PCDHA6: variants seen among roughly 807,000 people sequenced by gnomAD.
PCDHA6 encodes protocadherin alpha 6.
Under a neutral mutation model 60.3 loss-of-function variants are expected in PCDHA6, and 55 were observed. The ratio of observed to expected loss-of-function variants is 0.91; its 90% confidence interval spans 0.73 to 1.14. The LOEUF (loss-of-function observed/expected upper bound fraction) is 1.14. Ranked by LOEUF, PCDHA6 falls within the 50% of genes most tolerant of loss-of-function variation. PCDHA6 has a pLI of 0.00. For missense variants in PCDHA6, 1,327 were observed against 1,256.5 expected (o/e 1.06, Z -0.85); for synonymous variants, 652 against 557.9 (o/e 1.17, Z -2.38).
intron 1 of PCDHA6, chr5:140,849,391 G>A: frequency 1.3e-6 from 2 of 1,539,768 alleles, no homozygotes; most frequent in South Asian, 1.1e-5. Flanking sequence ...GACCCCTTAA[G>A]TGGGGCAATC....
chr5:140,843,669 T>C (rs1554140329), intron 1 of PCDHA6: 2 of 1,592,688 alleles, frequency 1.3e-6, no homozygotes, highest in Non-Finnish European at 1.7e-6. Flanking sequence ...CTGGGATCAG[T>C]TGATGTAGGC....
intron 1 of PCDHA6, among the ~76,000 whole-genome samples, chr5:140,898,648 G>A (rs1436511217): frequency 6.6e-6 from 1 of 152,136 alleles, no homozygotes; most frequent in Non-Finnish European, 1.5e-5. Flanking sequence ...TGTTCTTTTG[G>A]CTTAGGATTG....
chr5:140,962,554 C>T lies in PCDHA6; in HGVS notation c.2395-16395C>T, dbSNP rs567554880. ...TTAGAACTAAAAATGTAGAGGATCTCCCCCTAAAAGCCAATTGTTAATGCC... is the reference window on the plus strand; with the variant it reads ...TTAGAACTAAAAATGTAGAGGATCTTCCCCTAAAAGCCAATTGTTAATGCC... On this transcript the variant is annotated intron_variant, in intron 1 of 3. Transcript: ENST00000529310. 3.9e-5 allele frequency among the ~76,000 whole-genome samples: 6 copies of T among 152,284 alleles called. No individual in the cohort carries two copies. The South Asian group carries it at 1.2e-3, about 32-fold the overall frequency.
Position 140,966,485 on chromosome 5 carries a change from C to G in PCDHA6, c.2395-12464C>G, listed in dbSNP as rs564574047. 5.5e-4 allele frequency: 237 copies of G among 432,246 alleles called. 1 individual carries two copies. The highest frequency in any genetic ancestry group is 4.6e-3 in the African/African-American group (223 of 48,858). 26.8% of individuals were successfully genotyped at this position (432,246 alleles called of 1,614,324 possible). A position where few individuals can be genotyped will look rare whatever the true frequency, so the allele number is the denominator to read the frequency against. Reference sequence around the variant, plus strand: ...TCTTCCCTTCTGTTTCCTTTTCCCTCCCCCTGGAGCTGTAGCGGCAGCAGC... The same window carrying G: ...TCTTCCCTTCTGTTTCCTTTTCCCTGCCCCTGGAGCTGTAGCGGCAGCAGC... On this transcript the variant is annotated intron_variant, in intron 1 of 3. Transcript: ENST00000529310.
chr5:140,838,352 G>A (rs908927118), intron 1 of PCDHA6, among the ~76,000 whole-genome samples: 1 of 150,310 alleles, frequency 6.7e-6, no homozygotes, highest in African/African-American at 2.5e-5. Flanking sequence ...TCGAAATCTG[G>A]GACTCAAGTG....
At chr5:140,850,167 G>C (rs2041389844) in intron 1 of PCDHA6, 2 of 1,594,718 alleles carry the variant, frequency 1.3e-6, no homozygotes, top group African/African-American at 1.3e-5. Flanking sequence ...CGTGCTGGAC[G>C]AGAACGACAA....
In PCDHA6 at chr5:140,953,296, G is replaced by A. The variant is rs118116883; in HGVS notation, c.2395-25653G>A. 7.9e-5 allele frequency among the ~76,000 whole-genome samples: 12 copies of A among 152,162 alleles called. No individual in the cohort carries two copies. The East Asian group carries it at 1.5e-3, about 20-fold the overall frequency. Reference sequence around the variant, plus strand: ...TGCTCTTTATATGTGATTCAGGGACGGCAGAGATGTGGGAAGAATTTGATC... The same window carrying A: ...TGCTCTTTATATGTGATTCAGGGACAGCAGAGATGTGGGAAGAATTTGATC... On this transcript the variant is annotated intron_variant, in intron 1 of 3. Coordinates refer to ENST00000529310, the MANE Select transcript of PCDHA6 (RefSeq NM_018909.4).
At chr5:140,853,601 AG>A in intron 1 of PCDHA6, 1 of 987,492 alleles carries the variant, frequency 1.0e-6, no homozygotes, top group Non-Finnish European at 1.2e-6. Context: ...TTGAGAGCAA[AG>A]GGGGTGCTGT....
chr5:140,841,394 A>G (rs2150314638), intron 1 of PCDHA6: 1 of 1,613,274 alleles, frequency 6.2e-7, no homozygotes, highest in East Asian at 2.2e-5. Context: ...CGCAGCCTGG[A>G]AGGTGGGGAG....
intron 1 of PCDHA6, chr5:140,870,757 GT>G: frequency 6.2e-7 from 1 of 1,613,572 alleles, no homozygotes; most frequent in Non-Finnish European, 8.5e-7. Context: ...GACGCTGCAG[GT>G]GTTCGTGCTG....
At chr5:140,878,389 T>A (rs528504145) in intron 1 of PCDHA6, among the ~76,000 whole-genome samples, 1 of 152,360 alleles carries the variant, frequency 6.6e-6, no homozygotes, top group East Asian at 1.9e-4. Flanking sequence ...ATTTTCTTCA[T>A]TGCTCACAAA....
chr5:140,999,537 C>G, intron 3 of PCDHA6, among the ~76,000 whole-genome samples: 1 of 152,266 alleles, frequency 6.6e-6, no homozygotes, highest in Non-Finnish European at 1.5e-5. Context: ...CTGGATATGA[C>G]AGCCAATGAA....
Position 140,854,000 on chromosome 5 carries a change from C to T in PCDHA6, c.2394+23515C>T, listed in dbSNP as rs1437337577. 5 of 352,352 alleles carry T rather than the reference C, an allele frequency of 1.4e-5. No homozygotes were observed. The East Asian group carries it at 8.5e-4, about 60-fold the overall frequency. 21.8% of individuals were successfully genotyped at this position (352,352 alleles called of 1,614,324 possible). ...CCAATGTAGTGAGACTCATCTCTGC[C>T]AAAAAAAAAAAATTAGCCGGGCATG... On this transcript the variant is annotated intron_variant, in intron 1 of 3. Coordinates refer to ENST00000529310, the MANE Select transcript of PCDHA6 (RefSeq NM_018909.4).
Position 140,993,501 on chromosome 5 carries a change from C to CAT in PCDHA6, c.2542+10939_2542+10940insTA, listed in dbSNP as rs1159844142. Among the ~76,000 whole-genome samples the CAT allele has an allele frequency of 9.9e-4, 148 of 149,100 alleles. 5 individuals carry two copies. In the East Asian group the frequency reaches 0.024, roughly 24 times the overall value. On this transcript the variant is annotated intron_variant, in intron 3 of 3. Transcript: ENST00000529310. ...ACACACACACACACACACACACACA[C>CAT]ACACACACGGGGAGAGAGAGACAGA...
Position 140,883,556 on chromosome 5 carries a change from G to C in PCDHA6, c.2394+53071G>C, listed in dbSNP as rs144498761. ...TGAACTGGTGGTGACCGCGCGGGAC[G>C]GGGGCTCGCCTTCGCTGTGGGCCAC... On this transcript the variant is annotated intron_variant, in intron 1 of 3. Transcript: ENST00000529310. The C allele has an allele frequency of 2.1e-4, 339 of 1,614,184 alleles. 1 individual carries two copies. In the Middle Eastern group the frequency reaches 8.9e-3, roughly 42 times the overall value.
intron 1 of PCDHA6, among the ~76,000 whole-genome samples, chr5:140,902,026 A>G (rs1554190175): frequency 6.6e-6 from 1 of 152,114 alleles, no homozygotes; most frequent in Non-Finnish European, 1.5e-5. Flanking sequence ...TAGAAATACT[A>G]CTAATTTTTG....
At position 140,858,138 on chromosome 5, in the gene PCDHA6, A is replaced by T. The variant is rs577433161; in HGVS notation, c.2394+27653A>T. On this transcript the variant is annotated intron_variant, in intron 1 of 3. Coordinates refer to ENST00000529310, the MANE Select transcript of PCDHA6 (RefSeq NM_018909.4). ...GTGGCCCTGGTGGATGTCAACGTGT[A>T]CCTGATCATCGCCATCTGCGCGGTG... 43 of 1,597,514 alleles carry T rather than the reference A, an allele frequency of 2.7e-5. 1 individual carries two copies. The African/African-American group carries it at 5.5e-4, about 20-fold the overall frequency.
intron 1 of PCDHA6, among the ~76,000 whole-genome samples, chr5:140,945,912 A>G (rs1351762760): frequency 2.0e-5 from 3 of 152,132 alleles, no homozygotes; most frequent in African/African-American, 7.2e-5. Flanking sequence ...TGAAAGATCA[A>G]TAACACTGAT....
intron 1 of PCDHA6, chr5:140,856,177 C>G (rs200004763): frequency 6.3e-7 from 1 of 1,598,248 alleles, no homozygotes; most frequent in East Asian, 2.2e-5. Context: ...ACGGCACCTT[C>G]GTGGGCCGCA....
Sources: gnomAD v4.1 joint callset for allele counts (sites outside exome capture counted in the v4.1 genomes callset) on GRCh38, gnomAD v4.1.1 for gene constraint, MANE v1.5 for transcripts, NCBI Gene and HGNC (gene_info 2026-07-23, HGNC 2026-07-21) for gene names.